Variants in PEBP4 observed in about 807,000 individuals in gnomAD.
PEBP4 encodes the protein phosphatidylethanolamine-binding protein 4.
Under a neutral mutation model 23.9 loss-of-function variants are expected in PEBP4, and 22 were observed. The observed-to-expected ratio is 0.92, with a 90% CI of 0.66 to 1.31. The LOEUF is 1.31. Among genes scored for constraint, PEBP4 ranks in the 40% most tolerant of loss-of-function variants. The pLI, the probability that PEBP4 is intolerant of heterozygous loss-of-function variation, is 0.00. For missense variants in PEBP4, 324 were observed against 281.7 expected (o/e 1.15, Z -1.07); for synonymous variants, 112 against 99.3 (o/e 1.13, Z -0.76).
chr8:22,761,434 C>G (rs1585259182), intron 4 of PEBP4, among the ~76,000 whole-genome samples: 2 of 152,304 alleles, frequency 1.3e-5, no homozygotes, highest in East Asian at 3.9e-4. Flanking sequence ...GAAGACCCCC[C>G]TGCAAGCCGT....
At position 22,852,677 on chromosome 8, in the gene PEBP4, G is replaced by GA. The variant is rs112752826; in HGVS notation, c.259-34943dup. 4.7e-4 allele frequency among the ~76,000 whole-genome samples: 67 copies of GA among 143,908 alleles called. 1 individual carries two copies. Among genetic ancestry groups the GA allele is most frequent in the Middle Eastern group, 3.4e-3 (1 of 294 alleles). The allele number at this position is 143,908 out of a possible 152,430, so 94.4% of individuals were successfully genotyped here. A position where few individuals can be genotyped will look rare whatever the true frequency, so the allele number is the denominator to read the frequency against. ...GGCCGTGCAAAGTCCTCACTAAAAA[G>GA]AAAAAAAAAATAAGAAAGAAAGAAA... On this transcript the variant is annotated intron_variant, in intron 3 of 6. Coordinates refer to ENST00000256404, the MANE Select transcript of PEBP4 (RefSeq NM_144962.3).
At chr8:22,750,132 C>T (rs1398876672) in intron 4 of PEBP4, among the ~76,000 whole-genome samples, 2 of 146,250 alleles carry the variant, frequency 1.4e-5, no homozygotes, top group East Asian at 2.1e-4. Flanking sequence ...GACTGAGTCT[C>T]GCTCCATTGC....
At chr8:22,810,674 G>A (rs1806601505) in intron 4 of PEBP4, among the ~76,000 whole-genome samples, 1 of 44,118 alleles carries the variant, frequency 2.3e-5, no homozygotes, top group East Asian at 1.0e-3. Flanking sequence ...GGAGGGGTGT[G>A]TGTGTGTGTG....
chr8:22,825,736 T>G lies in PEBP4; in HGVS notation c.259-8001A>C, dbSNP rs182673811. 2.2e-4 allele frequency among the ~76,000 whole-genome samples: 33 copies of G among 152,252 alleles called. 1 individual carries two copies. The East Asian group carries it at 6.0e-3, about 28-fold the overall frequency. ...GCAATCACACTTTGGGGGATAGAAA[T>G]CCAGGTGTCACTGCAGCACTATTCA... On this transcript the variant is annotated intron_variant, in intron 3 of 6. Coordinates refer to ENST00000256404, the MANE Select transcript of PEBP4 (RefSeq NM_144962.3).
chr8:22,838,654 G>A (rs920006961), intron 3 of PEBP4, among the ~76,000 whole-genome samples: 1 of 152,274 alleles, frequency 6.6e-6, no homozygotes, highest in Non-Finnish European at 1.5e-5. Flanking sequence ...GGCCTCAGCC[G>A]ACCCAGGAAG....
chr8:22,880,563 C>T (rs989767575), intron 3 of PEBP4: 3 of 152,072 alleles, frequency 2.0e-5, no homozygotes, highest in East Asian at 1.9e-4. Flanking sequence ...CTTCCTGAAC[C>T]GGATCTCCAT....
chr8:22,836,723 A>T (rs763733886), intron 3 of PEBP4, among the ~76,000 whole-genome samples: 3 of 152,228 alleles, frequency 2.0e-5, no homozygotes, highest in Non-Finnish European at 4.4e-5. Context: ...ACCCCGGGTC[A>T]CTGCAACTTT....
intron 4 of PEBP4, among the ~76,000 whole-genome samples, chr8:22,782,449 C>A (rs958829159): frequency 6.6e-6 from 1 of 152,164 alleles, no homozygotes; most frequent in Non-Finnish European, 1.5e-5. Context: ...CCTTTGGGGG[C>A]ATGAAAATAC....
At chr8:22,767,563 G>A (rs1002162804) in intron 4 of PEBP4, among the ~76,000 whole-genome samples, 4 of 152,080 alleles carry the variant, frequency 2.6e-5, no homozygotes, top group South Asian at 2.1e-4. Context: ...TCAAGAATAC[G>A]CCTGATTGAC....
intron 3 of PEBP4, among the ~76,000 whole-genome samples, chr8:22,883,512 T>TAA (rs779806610): frequency 2.1e-5 from 3 of 144,078 alleles, no homozygotes; most frequent in Admixed American, 6.9e-5. Context: ...TCTGCACACT[T>TAA]AAAAAAAAAA....
chr8:22,845,930 G>T (rs1807424304), intron 3 of PEBP4, among the ~76,000 whole-genome samples: 1 of 152,224 alleles, frequency 6.6e-6, no homozygotes, highest in African/African-American at 2.4e-5. Flanking sequence ...GGCCCTGGAT[G>T]GGCAACCTTC....
At chr8:22,774,823 C>T (rs899726453) in intron 4 of PEBP4, among the ~76,000 whole-genome samples, 3 of 152,126 alleles carry the variant, frequency 2.0e-5, no homozygotes, top group African/African-American at 4.8e-5. Flanking sequence ...GACTCTTGTC[C>T]GATTTCCTTC....
chr8:22,874,555 C>A (rs1178554706), intron 3 of PEBP4, among the ~76,000 whole-genome samples: 1 of 152,058 alleles, frequency 6.6e-6, no homozygotes, highest in Non-Finnish European at 1.5e-5. Context: ...ACCCCCCTTT[C>A]GTATTTCTAC....
At chr8:22,799,639 G>T (rs1047280221) in intron 4 of PEBP4, among the ~76,000 whole-genome samples, 1 of 152,162 alleles carries the variant, frequency 6.6e-6, no homozygotes, top group African/African-American at 2.4e-5. Flanking sequence ...GTGCCATGTT[G>T]GTGTGCTGCA....
chr8:22,729,754 C>A (rs1300169260), intron 4 of PEBP4, among the ~76,000 whole-genome samples: 1 of 152,208 alleles, frequency 6.6e-6, no homozygotes, highest in Non-Finnish European at 1.5e-5. Flanking sequence ...CGGACAGGTG[C>A]TGGTCCTCAC....
At chr8:22,730,767 C>T (rs376528347) in intron 4 of PEBP4, among the ~76,000 whole-genome samples, 1 of 152,178 alleles carries the variant, frequency 6.6e-6, no homozygotes, top group Non-Finnish European at 1.5e-5. Context: ...GAGAAGAGAT[C>T]GGCTTTGGAA....
At chr8:22,881,491 G>A (rs1217478875) in intron 3 of PEBP4, among the ~76,000 whole-genome samples, 2 of 152,220 alleles carry the variant, frequency 1.3e-5, no homozygotes, top group African/African-American at 4.8e-5. Flanking sequence ...GTGCAGGACT[G>A]GGACCATCTC....
intron 4 of PEBP4, among the ~76,000 whole-genome samples, chr8:22,792,400 G>A (rs1200594995): frequency 6.6e-6 from 1 of 152,110 alleles, no homozygotes; most frequent in Admixed American, 6.5e-5. Flanking sequence ...AAGAGCTGGA[G>A]ACAAGGGTTG....
chr8:22,752,615 C>T (rs539508363), intron 4 of PEBP4, among the ~76,000 whole-genome samples: 2 of 152,318 alleles, frequency 1.3e-5, no homozygotes, highest in South Asian at 2.1e-4. Flanking sequence ...AATCAGTCAT[C>T]GTGGAAGGGA....
Sources: gnomAD v4.1 joint callset for allele counts (sites outside exome capture counted in the v4.1 genomes callset) on GRCh38, gnomAD v4.1.1 for gene constraint, MANE v1.5 for transcripts, NCBI Gene and HGNC (gene_info 2026-07-23, HGNC 2026-07-21) for gene names.